DNAH1: variants seen among roughly 807,000 people sequenced by gnomAD.
DNAH1 encodes axonemal beta dynein heavy chain 1.
A neutral mutation model predicts 484.3 loss-of-function variants in DNAH1; 327 were observed. The observed-to-expected ratio is 0.68, with a 90% confidence interval of 0.62 to 0.74. The LOEUF (loss-of-function observed/expected upper bound fraction) is 0.74. Ranked by LOEUF, DNAH1 falls within the 30% of genes least tolerant of loss-of-function variation. DNAH1 has a pLI of 0.00. For synonymous variants in DNAH1, 2,192 were observed against 2,191.9 expected (o/e 1.00, Z 0.00); for missense variants, 5,052 against 5,546.8 (o/e 0.91, Z 2.83).
chr3:52,355,043 G>A lies in DNAH1; in HGVS notation c.3681G>A (p.Leu1227=), dbSNP rs531298227. 5 of 1,613,592 alleles carry A rather than the reference G, an allele frequency of 3.1e-6. No homozygotes were observed. In the African/African-American group the frequency reaches 6.7e-5, roughly 22 times the overall value. Residue 1227 remains leucine (L), a synonymous_variant, in exon 21 of 78, where the codon CTG becomes CTA. Transcript: ENST00000420323. The surrounding 1 kb of genome is among the most constrained non-coding windows in gnomAD (Gnocchi z 4.5). ...GCATCAACTCCTGGGAGAACAAACT[G>A]AAGCTGACCCAGGTCGGCCCTCCCC... ...EQRINSWENK[L]KLTQEVLEEW... is the part of the protein sequence containing the mutation.
rs1704709531 is a variant in DNAH1, at chr3:52,397,891, G to C, written c.11958+14G>C. The C allele has an allele frequency of 3.8e-6, 6 of 1,591,848 alleles. No homozygotes were observed. Among genetic ancestry groups the C allele is most frequent in the Non-Finnish European group, 5.1e-6 (6 of 1,167,860 alleles). ...GGCCGGGAGGAGGTGGGTGGTGTCA[G>C]AGTAAGGGGCCCAAGGGCTGGACGG... On this transcript the variant is annotated intron_variant, in intron 74 of 77. Coordinates refer to ENST00000420323, the MANE Select transcript of DNAH1 (RefSeq NM_015512.5).
rs1702255120 is a variant in DNAH1 at position 52,348,932 on chromosome 3, G to A, written c.2151G>A (p.Glu717=). 1 of 1,613,310 alleles carries A rather than the reference G, an allele frequency of 6.2e-7. No homozygotes were observed. The change falls in exon 13 of 78, where the codon GAG becomes GAA. Residue 717 remains glutamate (E), a synonymous_variant. Transcript: ENST00000420323. The stretch of plus-strand genomic sequence containing the variant: ...TCATCAGCGGTGACCCCCTGCTGGA[G>A]TCCGTGGGCCTTCATGAGCCACTGG... ...DIFISGDPLL[E]SVGLHEPLVE...
chr3:52,326,086 G>A, intron 3 of DNAH1, 54 bp from the exon 4 acceptor site: 3 of 1,424,074 alleles, frequency 2.1e-6, no homozygotes, highest in Non-Finnish European at 2.8e-6. Context: ...GTGGAGGCTG[G>A]TTTTTGGGTG....
chr3:52,315,238 G>A (rs1407959446), upstream of DNAH1, among the ~76,000 whole-genome samples: 2 of 152,148 alleles, frequency 1.3e-5, no homozygotes, highest in Non-Finnish European at 2.9e-5. Flanking sequence ...AAAATCAGAG[G>A]AAGATCCTGG....
At position 52,379,861 on chromosome 3, in the gene DNAH1, G is replaced by A. The variant is rs1208575657; in HGVS notation, c.7378-44G>A. The A allele has an allele frequency of 2.0e-6, 3 of 1,516,864 alleles. No individual in the cohort carries two copies. Among genetic ancestry groups the A allele is most frequent in the East Asian group, 2.5e-5 (1 of 40,554 alleles). The allele number at this position is 1,516,864 out of a possible 1,614,324, so 94.0% of individuals were successfully genotyped here. On this transcript the variant is annotated intron_variant, in intron 47 of 77. Transcript: ENST00000420323. The surrounding 1 kb of genome is among the most constrained non-coding windows in gnomAD (Gnocchi z 4.4). Reference sequence around the variant, plus strand: ...CCTGGTGGTTTGAGAGATAGCTGAGGGCTTGGGGGCCAAGGACAGGCACCG... The same window carrying A: ...CCTGGTGGTTTGAGAGATAGCTGAGAGCTTGGGGGCCAAGGACAGGCACCG...
Position 52,383,544 on chromosome 3 carries a change from T to G in DNAH1, c.8100T>G (p.Ala2700=). The G allele has an allele frequency of 6.2e-7, 1 of 1,612,078 alleles. No homozygotes were observed. The highest frequency in any genetic ancestry group is 8.5e-7 in the Non-Finnish European group (1 of 1,179,070). Residue 2700 remains alanine, a synonymous_variant, in exon 51 of 78, where the codon GCT becomes GCG. Transcript: ENST00000420323. ...GLQPTKANLM[A]AYTGRVRSNI... Reference sequence around the variant, plus strand: ...AGCCCACCAAGGCCAACCTCATGGCTGCTTACACAGGGCGTGTGCGCAGCA... The same window carrying G: ...AGCCCACCAAGGCCAACCTCATGGCGGCTTACACAGGGCGTGTGCGCAGCA...
At chr3:52,400,146 A>G (rs553982729) in intron 77 of DNAH1, among the ~76,000 whole-genome samples, 179 bp from the exon 78 acceptor site, 2 of 152,308 alleles carry the variant, frequency 1.3e-5, no homozygotes, top group African/African-American at 2.4e-5. Context: ...TCAGTCCCCA[A>G]TACAGTAACC....
At chr3:52,377,301 C>A (rs1044563609) in intron 46 of DNAH1, among the ~76,000 whole-genome samples, 1 of 152,056 alleles carries the variant, frequency 6.6e-6, no homozygotes, top group Non-Finnish European at 1.5e-5. Context: ...CTCCATCCCC[C>A]CTTCCCTCAC....
intron 8 of DNAH1, among the ~76,000 whole-genome samples, chr3:52,339,689 T>C (rs1198365588): frequency 1.3e-5 from 2 of 152,172 alleles, no homozygotes; most frequent in Admixed American, 6.5e-5. Context: ...CACCTATTCA[T>C]TTCAGGATTT....
Position 52,383,580 on chromosome 3 carries a change from G to T in DNAH1, c.8136G>T (p.Met2712Ile). Residue 2712 changes from methionine (M) to isoleucine (I), a missense_variant, in exon 51 of 78, where the codon ATG (methionine) becomes ATT (isoleucine). Transcript: ENST00000420323. The part of the protein sequence containing the change: ...YTGRVRSNIH[M>I]VLCMSPIGEV... ...GGCGTGTGCGCAGCAACATCCACATGGTGCTGTGCATGAGGTACAGGCAGC... is the reference window on the plus strand; with the variant it reads ...GGCGTGTGCGCAGCAACATCCACATTGTGCTGTGCATGAGGTACAGGCAGC... 6.3e-7 allele frequency: 1 copy of T among 1,590,698 alleles called. No homozygotes were observed. Among genetic ancestry groups the T allele is most frequent in the South Asian group, 1.1e-5 (1 of 88,314 alleles).
chr3:52,372,206 G>A (rs1703374172), intron 42 of DNAH1, 21 bp from the exon 43 acceptor site: 1 of 1,613,288 alleles, frequency 6.2e-7, no homozygotes, highest in South Asian at 1.1e-5. Flanking sequence ...GCATGCTCCT[G>A]TGCCATCCCC....
rs758996609 is a variant in DNAH1 at position 52,372,965 on chromosome 3, G to A, written c.6897G>A (p.Pro2299=). 4.3e-5 allele frequency: 69 copies of A among 1,613,804 alleles called. No homozygotes were observed. The highest frequency in any genetic ancestry group is 2.2e-4 in the East Asian group (10 of 44,882). ...FIFFIDDLNM[P]ALETYGAQPP... is the part of the protein sequence containing the mutation. ...TCTTCATCGATGACCTGAACATGCC[G>A]GCCCTGGAGACCTACGGTGCACAGC... Residue 2299 remains proline (P), a synonymous_variant, in exon 44 of 78, where the codon CCG becomes CCA. Transcript: ENST00000420323.
intron 5 of DNAH1, among the ~76,000 whole-genome samples, chr3:52,327,621 G>C (rs994404711): frequency 6.6e-6 from 1 of 152,166 alleles, no homozygotes; most frequent in African/African-American, 2.4e-5. Flanking sequence ...AGCCTCAGGT[G>C]GCTTGGCTGG....
In DNAH1 at chr3:52,379,886, G is replaced by A. The variant is rs772032525; in HGVS notation, c.7378-19G>A. On this transcript the variant is annotated intron_variant, in intron 47 of 77. Coordinates refer to ENST00000420323, the MANE Select transcript of DNAH1 (RefSeq NM_015512.5). The surrounding 1 kb of genome is among the most constrained non-coding windows in gnomAD (Gnocchi z 4.4). Reference sequence around the variant, plus strand: ...GGCTTGGGGGCCAAGGACAGGCACCGATGCTGGGGCTACTGCAGGACCAAG... The same window carrying A: ...GGCTTGGGGGCCAAGGACAGGCACCAATGCTGGGGCTACTGCAGGACCAAG... 4.7e-5 allele frequency: 73 copies of A among 1,546,756 alleles called. 1 individual carries two copies. In the East Asian group the frequency reaches 1.1e-3, roughly 23 times the overall value.
chr3:52,332,194 C>T lies in DNAH1; in HGVS notation c.1086C>T (p.Leu362=), dbSNP rs1299689149. Residue 362 remains leucine, a synonymous_variant, in exon 8 of 78, where the codon CTC becomes CTT. Transcript: ENST00000420323. The part of the protein sequence containing the change: ...CQYWVPRIQL[L]FCAEDPCMFA... ...ACTGGGTGCCACGGATCCAGCTTCT[C>T]TTCTGCGCTGAGGACCCTTGCATGT... The T allele has an allele frequency of 2.5e-6, 4 of 1,601,742 alleles. No homozygotes were observed. Among genetic ancestry groups the T allele is most frequent in the Non-Finnish European group, 3.4e-6 (4 of 1,173,816 alleles).
intron 16 of DNAH1, 120 bp from the exon 17 acceptor site, chr3:52,351,838 GGATT>G (rs1216980154): frequency 8.2e-7 from 1 of 1,221,012 alleles, no homozygotes; most frequent in Non-Finnish European, 1.1e-6. Flanking sequence ...ACAGCTGCCT[GGATT>G]TCCCCTGAAC....
At chr3:52,323,476 G>A (rs1232336349) in intron 2 of DNAH1, among the ~76,000 whole-genome samples, 1 of 152,226 alleles carries the variant, frequency 6.6e-6, no homozygotes, top group East Asian at 1.9e-4. Context: ...GCCCTTGGGA[G>A]AGGAGGTATG....
intron 73 of DNAH1, among the ~76,000 whole-genome samples, chr3:52,397,402 G>C (rs1704683988): frequency 6.6e-6 from 1 of 152,208 alleles, no homozygotes; most frequent in Non-Finnish European, 1.5e-5. Flanking sequence ...CCATGAGCCA[G>C]GGCTGGGTTG....
At chr3:52,338,842 A>G (rs1010249362) in intron 8 of DNAH1, among the ~76,000 whole-genome samples, 6 of 150,644 alleles carry the variant, frequency 4.0e-5, no homozygotes, top group African/African-American at 1.5e-4. Flanking sequence ...CCTGGTCAAC[A>G]TGGTGAAACC....
Sources: gnomAD v4.1 joint callset for allele counts (sites outside exome capture counted in the v4.1 genomes callset) on GRCh38, gnomAD v4.1.1 for gene constraint, Gnocchi (gnomAD v3.1) non-coding constraint, MANE v1.5 for transcripts, NCBI Gene and HGNC (gene_info 2026-07-23, HGNC 2026-07-21) for gene names.